ACP4: variants seen among roughly 807,000 people sequenced by gnomAD.
ACP4 encodes the protein acid phosphatase 4, also known as testicular acid phosphatase.
ACP4 carries 49 observed loss-of-function variants against 47.3 expected under a neutral mutation model. The ratio of observed to expected loss-of-function variants is 1.04; its 90% confidence interval spans 0.82 to 1.32. The LOEUF (loss-of-function observed/expected upper bound fraction) is 1.32. ACP4 is among the 40% of genes most tolerant of loss of function. ACP4 has a pLI of 0.00. For synonymous variants in ACP4, 299 were observed against 265.3 expected, an observed-to-expected ratio of 1.13 and a Z score of -1.23; for missense variants, 594 against 579.3, an observed-to-expected ratio of 1.03 and a Z score of -0.26.
At position 50,795,122 on chromosome 19, in the gene ACP4, A is replaced by G; in HGVS notation, c.1245A>G (p.Arg415=). 1 of 1,565,718 alleles carries G rather than the reference A, an allele frequency of 6.4e-7. No homozygotes were observed. The highest frequency in any genetic ancestry group is 8.6e-7 in the Non-Finnish European group (1 of 1,157,638). ...LSLGLGLLAW[R]PGCLRALGGP... The stretch of plus-strand genomic sequence containing the variant: ...TGGGGCTGGGCCTGCTGGCCTGGAG[A>G]CCAGGGTGCCTGCGGGCCTTGGGGG... The change falls in exon 11 of 11, where the codon AGA becomes AGG. Residue 415 remains arginine (R), a synonymous_variant. Transcript: ENST00000270593.
At chr19:50,791,283 T>A (rs1311676822) in intron 3 of ACP4, among the ~76,000 whole-genome samples, 2 of 152,074 alleles carry the variant, frequency 1.3e-5, no homozygotes, top group African/African-American at 4.8e-5. Flanking sequence ...TCTTCTGACA[T>A]CCCCCAGCTA....
At chr19:50,790,917 G>A in intron 3 of ACP4, 57 bp downstream of exon 3, 1 of 1,476,240 alleles carries the variant, frequency 6.8e-7, no homozygotes, top group Non-Finnish European at 9.1e-7. Flanking sequence ...GACCTCCACT[G>A]ACTACAACGC....
chr19:50,791,533 C>T, intron 3 of ACP4, 123 bp from the exon 4 acceptor site: 1 of 1,376,740 alleles, frequency 7.3e-7, no homozygotes, highest in Non-Finnish European at 9.9e-7. Flanking sequence ...ACTTCGAAGG[C>T]CACATGATTC....
At position 50,791,773 on chromosome 19, in the gene ACP4, G is replaced by GTGCACAC; in HGVS notation, c.422_428dup (p.Val144AlafsTer7). ...CGAGGCCCGCTGGAGGCCGATCCCGGTGCACACGGTGCCCGTGGCTGAGGA... is the reference window on the plus strand; with the variant it reads ...CGAGGCCCGCTGGAGGCCGATCCCGGTGCACACTGCACACGGTGCCCGTGGCTGAGGA... On this transcript the variant is annotated frameshift_variant, in exon 4 of 11. Coordinates refer to ENST00000270593, the MANE Select transcript of ACP4 (RefSeq NM_033068.3). LOFTEE classifies it high-confidence loss of function. The GTGCACAC allele has an allele frequency of 6.2e-7, 1 of 1,611,504 alleles. No homozygotes were observed. The highest frequency in any genetic ancestry group is 8.5e-7 in the Non-Finnish European group (1 of 1,179,252).
In ACP4 at chr19:50,792,137, C is replaced by A; in HGVS notation, c.515C>A (p.Ala172Asp). 6.2e-7 allele frequency: 1 copy of A among 1,608,582 alleles called. No individual in the cohort carries two copies. The highest frequency in any genetic ancestry group is 8.5e-7 in the Non-Finnish European group (1 of 1,178,930). The change falls in exon 5 of 11, where the codon GCC (alanine) becomes GAC (aspartate). Residue 172 changes from alanine to aspartate, a missense_variant. Transcript: ENST00000270593. The part of the protein sequence containing the change: ...YHELLREATE[A>D]AEYQEALEGW... ...GAGCTGCTGCGGGAGGCCACCGAGGCCGCCGAGTACCAGGAGGCCCTGGAG... is the reference window on the plus strand; with the variant it reads ...GAGCTGCTGCGGGAGGCCACCGAGGACGCCGAGTACCAGGAGGCCCTGGAG...
At chr19:50,792,601 C>A (rs10425724) in intron 6 of ACP4, 167,090 of 420,914 alleles carry the variant, frequency 0.4, 36,422 homozygotes, top group East Asian at 0.77. Flanking sequence ...ACACATTTGG[C>A]AACTCCTCCC....
chr19:50,791,271 T>C (rs927985324), intron 3 of ACP4, among the ~76,000 whole-genome samples: 5 of 152,152 alleles, frequency 3.3e-5, no homozygotes, highest in African/African-American at 9.7e-5. Context: ...TCTCCTCCTA[T>C]GTCTTCTGAC....
chr19:50,791,476 C>A (rs2089505614), intron 3 of ACP4, among the ~76,000 whole-genome samples, 180 bp from the exon 4 acceptor site: 3 of 152,180 alleles, frequency 2.0e-5, no homozygotes, highest in Admixed American at 2.0e-4. Flanking sequence ...GACGTCCAGC[C>A]CAACTGCTCC....
chr19:50,794,825 C>A lies in ACP4; in HGVS notation c.1026C>A (p.Ala342=). 1 of 1,611,692 alleles carries A rather than the reference C, an allele frequency of 6.2e-7. No homozygotes were observed. The highest frequency in any genetic ancestry group is 8.5e-7 in the Non-Finnish European group (1 of 1,178,796). Residue 342 remains alanine (A), a synonymous_variant, in exon 10 of 11, where the codon GCC becomes GCA. Transcript: ENST00000270593. ...CCCTCTTCTACCGCAATGACTCCGCCCACCTGCCCCTGCCTCTCAGCCTCC... is the reference window on the plus strand; with the variant it reads ...CCCTCTTCTACCGCAATGACTCCGCACACCTGCCCCTGCCTCTCAGCCTCC... The part of the protein sequence containing the change: ...TVSLFYRNDS[A]HLPLPLSLPG...
In ACP4 at chr19:50,790,767, T is replaced by C; in HGVS notation, c.217-7T>C. 6.5e-7 allele frequency: 1 copy of C among 1,546,884 alleles called. No homozygotes were observed. The highest frequency in any genetic ancestry group is 8.7e-7 in the Non-Finnish European group (1 of 1,146,342). On this transcript the variant is annotated splice_polypyrimidine_tract_variant and splice_region_variant and intron_variant, in intron 2 of 10. Coordinates refer to ENST00000270593, the MANE Select transcript of ACP4 (RefSeq NM_033068.3). ...GGAGTGGTAGGCTGAGGCTGTTCTG[T>C]CCCCAGGAGGGGGTCCGCCAGCAGC...
At position 50,794,900 on chromosome 19, in the gene ACP4, C is replaced by T. The variant is rs1335974053; in HGVS notation, c.1101C>T (p.Ala367=). The T allele has an allele frequency of 1.9e-6, 3 of 1,613,646 alleles. No individual in the cohort carries two copies. The East Asian group carries it at 6.7e-5, about 36-fold the overall frequency. ...TAGGCCGCTTCTACCAGCTGACTGC[C>T]CCGGCCCGGCCTCCCGCCCATGGGG... ...CPLGRFYQLT[A]PARPPAHGVS... Residue 367 remains alanine, a synonymous_variant, in exon 10 of 11, where the codon GCC becomes GCT. Coordinates refer to ENST00000270593, the MANE Select transcript of ACP4 (RefSeq NM_033068.3).
intron 4 of ACP4, 101 bp downstream of exon 4, chr19:50,791,903 C>A: frequency 6.7e-7 from 1 of 1,483,174 alleles, no homozygotes; most frequent in Non-Finnish European, 9.0e-7. Context: ...GCAAGACTGT[C>A]CTCGAGCTGG....
At position 50,791,644 on chromosome 19, in the gene ACP4, AC is replaced by A; in HGVS notation, c.304-8del. 1 of 1,604,446 alleles carries A rather than the reference AC, an allele frequency of 6.2e-7. No homozygotes were observed. On this transcript the variant is annotated splice_polypyrimidine_tract_variant and intron_variant, in intron 3 of 10. Transcript: ENST00000270593. The stretch of plus-strand genomic sequence containing the variant: ...ACGACCCCCCGCGTGCCCTCTCTCC[AC>A]CCCGCTCCAGGTGTACATCCGCAGC...
In ACP4 at chr19:50,791,538, T is replaced by G. The variant is rs556812797; in HGVS notation, c.304-118T>G. The stretch of plus-strand genomic sequence containing the variant: ...CCAACTTCCAACTTCGAAGGCCACA[T>G]GATTCTCAGTGTCTGACCCCTACTC... On this transcript the variant is annotated intron_variant, in intron 3 of 10. Transcript: ENST00000270593. The G allele has an allele frequency of 1.9e-4, 260 of 1,400,614 alleles. 1 individual carries two copies. The East Asian group carries it at 6.0e-3, about 32-fold the overall frequency. The allele number at this position is 1,400,614 out of a possible 1,614,324, so 86.8% of individuals were successfully genotyped here.
intron 6 of ACP4, 107 bp downstream of exon 6, chr19:50,792,444 C>G: frequency 8.6e-7 from 1 of 1,167,634 alleles, no homozygotes; most frequent in South Asian, 1.4e-5. Flanking sequence ...TCCTCTGTGC[C>G]TCAGTTTTCC....
chr19:50,791,549 G>A, intron 3 of ACP4, 107 bp from the exon 4 acceptor site: 1 of 1,459,994 alleles, frequency 6.8e-7, no homozygotes. Context: ...GATTCTCAGT[G>A]TCTGACCCCT....
At chr19:50,792,594 C>A in intron 6 of ACP4, 1 of 429,162 alleles carries the variant, frequency 2.3e-6, no homozygotes, top group Non-Finnish European at 4.2e-6. Context: ...TGAGGCTACA[C>A]ATTTGGCAAC....
At chr19:50,793,568 C>A in intron 6 of ACP4, 116 bp from the exon 7 acceptor site, 1 of 1,428,128 alleles carries the variant, frequency 7.0e-7, no homozygotes, top group Non-Finnish European at 9.5e-7. Flanking sequence ...GATTTCCCAG[C>A]CAGATCCAGA....
At chr19:50,791,232 G>A (rs188107776) in intron 3 of ACP4, among the ~76,000 whole-genome samples, 6 of 152,086 alleles carry the variant, frequency 3.9e-5, no homozygotes, top group East Asian at 3.9e-4. Context: ...TAACCTCTAC[G>A]CTTTATCAAT....
Sources: gnomAD v4.1 joint callset for allele counts (sites outside exome capture counted in the v4.1 genomes callset) on GRCh38, gnomAD v4.1.1 for gene constraint, MANE v1.5 for transcripts, NCBI Gene and HGNC (gene_info 2026-07-23, HGNC 2026-07-21) for gene names.